The following ANKRD44 variants were observed in gnomAD, a reference collection of about 807,000 sequenced individuals.
The protein encoded by ANKRD44 is ankyrin repeat domain 44, also known as serine/threonine-protein phosphatase 6 regulatory ankyrin repeat subunit B.
Under a neutral mutation model 116.0 loss-of-function variants are expected in ANKRD44, and 35 were observed. The observed-to-expected ratio is 0.30, with a 90% CI of 0.23 to 0.40. The LOEUF is 0.40. ANKRD44 is among the 10% of genes least tolerant of loss of function. The pLI is 1.00. For synonymous variants in ANKRD44, 435 were observed against 461.8 expected (o/e 0.94, Z 0.74); for missense variants, 1,014 against 1,242.6 (o/e 0.82, Z 2.77).
chr2:197,140,988 G>A (rs1019564606), intron 3 of ANKRD44, among the ~76,000 whole-genome samples: 2 of 152,154 alleles, frequency 1.3e-5, no homozygotes, highest in Non-Finnish European at 2.9e-5. Flanking sequence ...AGGTCGAGGT[G>A]GGCAGAACAC....
At chr2:197,009,129 G>T (rs2076252070) in intron 18 of ANKRD44, 98 bp from the exon 19 acceptor site, 2 of 983,984 alleles carry the variant, frequency 2.0e-6, no homozygotes, top group Non-Finnish European at 1.6e-6. Flanking sequence ...GTCTTGCTCT[G>T]TCGCCAGGCT....
intron 18 of ANKRD44, among the ~76,000 whole-genome samples, chr2:197,010,328 C>G (rs1330525808): frequency 6.6e-6 from 1 of 151,948 alleles, no homozygotes; most frequent in Non-Finnish European, 1.5e-5. Flanking sequence ...GGCGCTTTCT[C>G]TGACTTCCCA....
intron 25 of ANKRD44, among the ~76,000 whole-genome samples, chr2:196,997,452 CT>C (rs35812345): frequency 1.9e-4 from 26 of 135,988 alleles, no homozygotes; most frequent in African/African-American, 3.0e-4. Flanking sequence ...TATAATTTAT[CT>C]TTTTTTTTTT....
At chr2:197,139,950 G>C (rs2079319751) in intron 3 of ANKRD44, among the ~76,000 whole-genome samples, 1 of 149,796 alleles carries the variant, frequency 6.7e-6, no homozygotes, top group African/African-American at 2.5e-5. Flanking sequence ...TGCGATCTCG[G>C]CTCACTGCAA....
At chr2:196,969,154 C>T (rs2075696854) in intron 21 of ANKRD44, among the ~76,000 whole-genome samples, 1 of 152,206 alleles carries the variant, frequency 6.6e-6, no homozygotes, top group African/African-American at 2.4e-5. Context: ...ATGGCTTAGT[C>T]TCTTTGTGGG....
intron 2 of ANKRD44, among the ~76,000 whole-genome samples, chr2:197,150,867 G>T (rs992256819): frequency 6.6e-6 from 1 of 152,102 alleles, no homozygotes; most frequent in African/African-American, 2.4e-5. Flanking sequence ...AAAGACCCTT[G>T]AAGTGGCCTT....
chr2:197,025,323 G>T, intron 16 of ANKRD44, 56 bp from the exon 17 acceptor site: 1 of 1,435,856 alleles, frequency 7.0e-7, no homozygotes, highest in Non-Finnish European at 9.8e-7. Context: ...CAAAATGTTG[G>T]TGTAAATGAG....
Position 197,025,277 on chromosome 2 carries a change from C to T in ANKRD44, c.1651-10G>A, listed in dbSNP as rs62185248. Reference sequence around the variant, plus strand: ...TTGTTCTTTCCAAAAGCTGTGGAGACAAAAAGCAAACAATAGTACGTGAGT... The same window carrying T: ...TTGTTCTTTCCAAAAGCTGTGGAGATAAAAAGCAAACAATAGTACGTGAGT... On this transcript the variant is annotated splice_polypyrimidine_tract_variant and intron_variant, in intron 16 of 27. Transcript: ENST00000282272. 0.13 allele frequency: 201,706 copies of T among 1,605,182 alleles called. 13,937 individuals are homozygous for T. Among genetic ancestry groups the T allele is most frequent in the Admixed American group, 0.19 (11,607 of 59,918 alleles).
intron 9 of ANKRD44, among the ~76,000 whole-genome samples, chr2:197,103,873 C>G (rs1237548417): frequency 2.0e-5 from 3 of 152,020 alleles, no homozygotes; most frequent in Non-Finnish European, 4.4e-5. Context: ...TGGTTGAGTT[C>G]CCGGTGTAGA....
intron 2 of ANKRD44, among the ~76,000 whole-genome samples, chr2:197,161,721 T>G (rs1204455316): frequency 6.6e-6 from 1 of 152,260 alleles, no homozygotes; most frequent in African/African-American, 2.4e-5. Context: ...GCTTACCATA[T>G]GTATTTCTGA....
At chr2:197,251,036 TC>T (rs1297838191) in intron 1 of ANKRD44, 1 of 152,226 alleles carries the variant, frequency 6.6e-6, no homozygotes, top group Non-Finnish European at 1.5e-5. Context: ...TTATACTTTT[TC>T]TTTTAAAATG....
intron 9 of ANKRD44, among the ~76,000 whole-genome samples, chr2:197,105,017 T>C (rs1380508794): frequency 1.3e-5 from 2 of 152,224 alleles, no homozygotes; most frequent in Non-Finnish European, 2.9e-5. Context: ...TTTAACTGAC[T>C]GGGACAGAGA....
chr2:197,180,806 T>C (rs7570752), intron 2 of ANKRD44, among the ~76,000 whole-genome samples: 43,748 of 151,970 alleles, frequency 0.29, 7,073 homozygotes, highest in African/African-American at 0.43. Context: ...AGTGGAGCCA[T>C]ATTGAGTCCT....
At chr2:197,254,463 A>G (rs1010129187) in intron 1 of ANKRD44, among the ~76,000 whole-genome samples, 1 of 152,142 alleles carries the variant, frequency 6.6e-6, no homozygotes, top group Admixed American at 6.5e-5. Context: ...GAACTATCCT[A>G]CCAAAGTGTC....
At chr2:197,177,092 C>T (rs988747285) in intron 2 of ANKRD44, among the ~76,000 whole-genome samples, 1 of 152,142 alleles carries the variant, frequency 6.6e-6, no homozygotes, top group Non-Finnish European at 1.5e-5. Flanking sequence ...TTCATTTAAA[C>T]ATGTCTTTTA....
At chr2:197,139,846 TTTTGTGTG>T (rs1250654759) in intron 3 of ANKRD44, among the ~76,000 whole-genome samples, 8 of 116,956 alleles carry the variant, frequency 6.8e-5, no homozygotes, top group African/African-American at 1.9e-4. Context: ...ACTAAGCTGC[TTTTGTGTG>T]TGTGTGTGTG....
chr2:197,140,790 A>G (rs897444375), intron 3 of ANKRD44, among the ~76,000 whole-genome samples: 8 of 152,226 alleles, frequency 5.3e-5, no homozygotes, highest in Admixed American at 4.6e-4. Context: ...TGACAGAGAT[A>G]GACATCTCTG....
chr2:197,087,565 G>A (rs2077954911), intron 12 of ANKRD44, among the ~76,000 whole-genome samples: 1 of 152,090 alleles, frequency 6.6e-6, no homozygotes, highest in Admixed American at 6.6e-5. Flanking sequence ...GAAGTGGCCT[G>A]GAATTATTAC....
intron 2 of ANKRD44, among the ~76,000 whole-genome samples, chr2:197,154,196 T>TG (rs1406980333): frequency 6.9e-6 from 1 of 144,372 alleles, no homozygotes; most frequent in East Asian, 1.9e-4. Flanking sequence ...TTTTTTTTTT[T>TG]TGAGACGGAG....
Sources: gnomAD v4.1 joint callset for allele counts (sites outside exome capture counted in the v4.1 genomes callset) on GRCh38, gnomAD v4.1.1 for gene constraint, MANE v1.5 for transcripts, NCBI Gene and HGNC (gene_info 2026-07-23, HGNC 2026-07-21) for gene names.